Variants in CNTNAP2 observed in about 807,000 individuals in gnomAD.
CNTNAP2 encodes the protein contactin associated protein 2, also known as contactin-associated protein-like 2.
Under a neutral mutation model 155.2 loss-of-function variants are expected in CNTNAP2, and 98 were observed. The ratio of observed to expected loss-of-function variants is 0.63; its 90% CI spans 0.54 to 0.75. The LOEUF is 0.75. Among genes scored for constraint, CNTNAP2 ranks in the 30% least tolerant of loss-of-function variants. CNTNAP2 has a pLI of 0.00. For missense variants in CNTNAP2, 1,727 were observed against 1,688.1 expected (o/e 1.02, Z -0.40); for synonymous variants, 651 against 631.2 (o/e 1.03, Z -0.47).
intron 8 of CNTNAP2, among the ~76,000 whole-genome samples, chr7:147,132,961 A>C (rs1029443846): frequency 6.6e-6 from 1 of 152,156 alleles, no homozygotes; most frequent in South Asian, 2.1e-4. Context: ...CAGAACTTCA[A>C]AATGATCTTG....
chr7:147,164,763 G>A (rs1298351472), intron 8 of CNTNAP2, among the ~76,000 whole-genome samples: 1 of 152,070 alleles, frequency 6.6e-6, no homozygotes, highest in Non-Finnish European at 1.5e-5. Flanking sequence ...AAATTGAGGG[G>A]CGACCACATC....
chr7:146,482,220 A>C (rs955734966), intron 1 of CNTNAP2, among the ~76,000 whole-genome samples: 1 of 150,978 alleles, frequency 6.6e-6, no homozygotes, highest in African/African-American at 2.4e-5. Context: ...AAAAAAAAAA[A>C]AAAAAACTCC....
chr7:147,158,855 A>G (rs1801974357), intron 8 of CNTNAP2, among the ~76,000 whole-genome samples: 1 of 152,154 alleles, frequency 6.6e-6, no homozygotes, highest in African/African-American at 2.4e-5. Flanking sequence ...CTGAGCAGAA[A>G]GAATTTATTC....
intron 13 of CNTNAP2, among the ~76,000 whole-genome samples, chr7:147,736,121 G>A (rs1796838494): frequency 6.6e-6 from 1 of 151,546 alleles, no homozygotes; most frequent in Admixed American, 6.6e-5. Context: ...TAGCCTTGAT[G>A]GTCTTTACAA....
At chr7:148,080,478 G>T (rs145459499) in intron 15 of CNTNAP2, among the ~76,000 whole-genome samples, 61 of 151,508 alleles carry the variant, frequency 4.0e-4, no homozygotes, top group Non-Finnish European at 5.9e-4. Context: ...TGGTGGCGGC[G>T]CCTGTAGTCC....
intron 4 of CNTNAP2, among the ~76,000 whole-genome samples, chr7:147,046,845 C>A (rs143583616): frequency 4.6e-5 from 7 of 151,732 alleles, no homozygotes; most frequent in Non-Finnish European, 8.8e-5. Flanking sequence ...CTGGATAACA[C>A]GGTGAAACCC....
chr7:146,469,267 C>T (rs968376283), intron 1 of CNTNAP2, among the ~76,000 whole-genome samples: 1 of 152,004 alleles, frequency 6.6e-6, no homozygotes, highest in African/African-American at 2.4e-5. Context: ...CTGCCTTCCC[C>T]TCCCTTTCAC....
intron 13 of CNTNAP2, among the ~76,000 whole-genome samples, chr7:147,644,946 T>C (rs1263914016): frequency 6.6e-6 from 1 of 152,178 alleles, no homozygotes; most frequent in Non-Finnish European, 1.5e-5. Flanking sequence ...TTTCTGGCTA[T>C]ATTTAGCCCT....
chr7:146,120,458 G>A (rs1304521670), intron 1 of CNTNAP2, among the ~76,000 whole-genome samples: 1 of 151,948 alleles, frequency 6.6e-6, no homozygotes, highest in Non-Finnish European at 1.5e-5. Flanking sequence ...TCAATATATG[G>A]CAAAATTGGG....
At chr7:146,462,863 G>T (rs1199725022) in intron 1 of CNTNAP2, among the ~76,000 whole-genome samples, 1 of 152,082 alleles carries the variant, frequency 6.6e-6, no homozygotes, top group Non-Finnish European at 1.5e-5. Context: ...ATCTCTTTCT[G>T]AATAGTCCAG....
chr7:147,616,019 A>G (rs1181397389), intron 12 of CNTNAP2, among the ~76,000 whole-genome samples: 5 of 152,010 alleles, frequency 3.3e-5, no homozygotes, highest in African/African-American at 1.2e-4. Flanking sequence ...ATTTGCCTGG[A>G]TAAATATTCA....
intron 1 of CNTNAP2, among the ~76,000 whole-genome samples, chr7:146,537,824 G>C (rs1483717899): frequency 1.3e-5 from 2 of 151,982 alleles, no homozygotes; most frequent in Non-Finnish European, 2.9e-5. Flanking sequence ...GTTACGTGGG[G>C]GATATTAGCA....
chr7:147,637,054 G>T (rs1795192574), intron 12 of CNTNAP2, among the ~76,000 whole-genome samples: 1 of 152,126 alleles, frequency 6.6e-6, no homozygotes, highest in Middle Eastern at 3.2e-3. Context: ...AAGGAGGGAG[G>T]ATTGACATGT....
intron 3 of CNTNAP2, among the ~76,000 whole-genome samples, chr7:146,934,266 A>C (rs1005640324): frequency 1.3e-5 from 2 of 152,118 alleles, no homozygotes; most frequent in Admixed American, 1.3e-4. Flanking sequence ...CAGCCATAAG[A>C]AATGATGAGT....
rs1414276353 is a variant in CNTNAP2 at position 146,886,347 on chromosome 7, G to T, written c.402+46443G>T. On this transcript the variant is annotated intron_variant, in intron 3 of 23. Transcript: ENST00000361727. ...CTCACTTTCAAAGCTGCCAAAATTT[G>T]CCCTCCTACATTCTTTTATTGTTTT... Among the ~76,000 whole-genome samples the T allele has an allele frequency of 6.0e-5, 9 of 149,382 alleles. No individual in the cohort carries two copies. The East Asian group carries it at 1.6e-3, about 26-fold the overall frequency.
At position 146,904,737 on chromosome 7, in the gene CNTNAP2, C is replaced by G. The variant is rs1044162598; in HGVS notation, c.402+64833C>G. The stretch of plus-strand genomic sequence containing the variant: ...CCGCCCACCTCGGCCTCCCAAAGTG[C>G]TGGGATTACAGGCGTGAGCCACCGC... On this transcript the variant is annotated intron_variant, in intron 3 of 23. Coordinates refer to ENST00000361727, the MANE Select transcript of CNTNAP2 (RefSeq NM_014141.6). 1.6e-3 allele frequency among the ~76,000 whole-genome samples: 238 copies of G among 152,158 alleles called. 4 individuals carry two copies. The highest frequency in any genetic ancestry group is 7.3e-4 in the Non-Finnish European group (50 of 68,032).
intron 3 of CNTNAP2, among the ~76,000 whole-genome samples, chr7:146,869,495 A>G (rs1037434284): frequency 2.6e-5 from 4 of 152,124 alleles, no homozygotes; most frequent in African/African-American, 9.7e-5. Flanking sequence ...TTTATTAAGG[A>G]TAATTGACTC....
intron 1 of CNTNAP2, among the ~76,000 whole-genome samples, chr7:146,601,244 T>C (rs528522599): frequency 6.6e-6 from 1 of 152,228 alleles, no homozygotes; most frequent in South Asian, 2.1e-4. Flanking sequence ...TACTGTACTT[T>C]TCTGAGAAAT....
chr7:146,566,270 C>A (rs927505229), intron 1 of CNTNAP2, among the ~76,000 whole-genome samples: 1 of 152,162 alleles, frequency 6.6e-6, no homozygotes, highest in Non-Finnish European at 1.5e-5. Context: ...GGGGAGATGA[C>A]CTTTCATATT....
Sources: gnomAD v4.1 joint callset for allele counts (sites outside exome capture counted in the v4.1 genomes callset) on GRCh38, gnomAD v4.1.1 for gene constraint, MANE v1.5 for transcripts, NCBI Gene and HGNC (gene_info 2026-07-23, HGNC 2026-07-21) for gene names.